MEGF9: variants seen among roughly 807,000 people sequenced by gnomAD.
MEGF9 encodes multiple EGF like domains 9.
MEGF9 carries 6 observed loss-of-function variants against 46.8 expected under a neutral mutation model. That is an observed-to-expected ratio of 0.13 (90% CI 0.07 to 0.25). The LOEUF (loss-of-function observed/expected upper bound fraction) is 0.25. MEGF9 is among the 10% of genes least tolerant of loss of function. MEGF9 has a pLI of 1.00. For missense variants in MEGF9, 683 were observed against 792.4 expected (o/e 0.86, Z 1.66); for synonymous variants, 302 against 330.7 (o/e 0.91, Z 0.94).
chr9:120,672,252 G>C (rs572931930), intron 1 of MEGF9, among the ~76,000 whole-genome samples: 20 of 151,936 alleles, frequency 1.3e-4, no homozygotes, highest in Non-Finnish European at 2.8e-4. Context: ...CTAGACAGTG[G>C]AATAAGGCAA....
rs1488301120 is a variant in MEGF9 at position 120,714,385 on chromosome 9, ATCT to A, written c.-30_-28del. ...CATTCAGCCAGTCGGTTGGTCAGTCATCTTCTCCTCGTTGCAATCCGACCAAGG... is the reference window on the plus strand; with the variant it reads ...CATTCAGCCAGTCGGTTGGTCAGTCATCTCCTCGTTGCAATCCGACCAAGG... On this transcript the variant is annotated 5_prime_UTR_variant, in exon 1 of 6. In the 5' UTR this introduces an upstream ATG that the reference lacks. Coordinates refer to ENST00000373930, the MANE Select transcript of MEGF9 (RefSeq NM_001080497.3). The A allele has an allele frequency of 7.8e-7, 1 of 1,284,556 alleles. No homozygotes were observed. The highest frequency in any genetic ancestry group is 9.8e-7 in the Non-Finnish European group (1 of 1,017,112). 79.6% of individuals were successfully genotyped at this position (1,284,556 alleles called of 1,614,324 possible).
At chr9:120,686,589 C>G (rs961330949) in intron 1 of MEGF9, among the ~76,000 whole-genome samples, 1 of 152,176 alleles carries the variant, frequency 6.6e-6, no homozygotes, top group Non-Finnish European at 1.5e-5. Context: ...CCTTACTTCC[C>G]TAACTAGAAG....
intron 1 of MEGF9, among the ~76,000 whole-genome samples, chr9:120,667,994 C>T (rs2043732838): frequency 6.6e-6 from 1 of 152,208 alleles, no homozygotes; most frequent in Admixed American, 6.5e-5. Context: ...CACTGCACTC[C>T]AGCCTGGGTG....
intron 4 of MEGF9, among the ~76,000 whole-genome samples, chr9:120,609,248 T>G (rs2043433872): frequency 6.6e-6 from 1 of 152,188 alleles, no homozygotes; most frequent in African/African-American, 2.4e-5. Context: ...CTGCCTGCTT[T>G]CTTCTGTCTG....
intron 2 of MEGF9, among the ~76,000 whole-genome samples, chr9:120,652,568 G>A (rs1055946144): frequency 6.9e-6 from 1 of 144,044 alleles, no homozygotes; most frequent in Non-Finnish European, 1.5e-5. Context: ...CTGAATCTAC[G>A]TGCCAGTCTA....
chr9:120,680,854 T>A (rs953001611), intron 1 of MEGF9, among the ~76,000 whole-genome samples: 1 of 152,142 alleles, frequency 6.6e-6, no homozygotes, highest in African/African-American at 2.4e-5. Flanking sequence ...GATGTTCATT[T>A]AAGGCCCAAG....
intron 1 of MEGF9, among the ~76,000 whole-genome samples, chr9:120,704,822 T>C (rs567986996): frequency 8.2e-4 from 125 of 152,232 alleles, no homozygotes; most frequent in Non-Finnish European, 1.6e-3. Flanking sequence ...TTAACTTTAA[T>C]TATATTTCTA....
At chr9:120,704,530 T>C (rs953573493) in intron 1 of MEGF9, among the ~76,000 whole-genome samples, 1 of 152,182 alleles carries the variant, frequency 6.6e-6, no homozygotes, top group Non-Finnish European at 1.5e-5. Context: ...ATCATATAAA[T>C]ATGGGCAGCT....
At chr9:120,708,593 A>G (rs7869084) in intron 1 of MEGF9, among the ~76,000 whole-genome samples, 2,871 of 152,328 alleles carry the variant, frequency 0.019, 105 homozygotes, top group African/African-American at 0.067. Flanking sequence ...GAGCTGAAAG[A>G]GACCCTTTAA....
intron 2 of MEGF9, among the ~76,000 whole-genome samples, chr9:120,644,254 C>T (rs1369117947): frequency 2.0e-5 from 3 of 152,122 alleles, no homozygotes; most frequent in Non-Finnish European, 4.4e-5. Context: ...TTTAAGGGAA[C>T]TTGACAAGTA....
intron 1 of MEGF9, among the ~76,000 whole-genome samples, chr9:120,686,463 T>C (rs1011154834): frequency 6.6e-6 from 1 of 152,246 alleles, no homozygotes. Context: ...AATGTGAATA[T>C]ACTTAACAAA....
rs1417472701 is a variant in MEGF9 at position 120,713,939 on chromosome 9, C to G, written c.420G>C (p.Pro140=). The change falls in exon 1 of 6, where the codon CCG becomes CCC. Residue 140 remains proline (P), a synonymous_variant. Coordinates refer to ENST00000373930, the MANE Select transcript of MEGF9 (RefSeq NM_001080497.3). ...AAAGGGTGGTCGGCGCGGGTCTGGT[C>G]GGCGCCTGAGAGGTGGTCGAAGTGC... The part of the protein sequence containing the change: ...AERTSTTSQA[P]TRPAPTTLST... 2 of 1,369,002 alleles carry G rather than the reference C, an allele frequency of 1.5e-6. No individual in the cohort carries two copies. The highest frequency in any genetic ancestry group is 1.9e-6 in the Non-Finnish European group (2 of 1,056,542). The allele number at this position is 1,369,002 out of a possible 1,614,324, so 84.8% of individuals were successfully genotyped here.
At chr9:120,626,905 T>C (rs2043527774) in intron 2 of MEGF9, among the ~76,000 whole-genome samples, 1 of 152,162 alleles carries the variant, frequency 6.6e-6, no homozygotes, top group African/African-American at 2.4e-5. Flanking sequence ...TACTCAGTAC[T>C]CAAAAATGAA....
At chr9:120,703,678 C>T (rs759248217) in intron 1 of MEGF9, among the ~76,000 whole-genome samples, 48 of 152,062 alleles carry the variant, frequency 3.2e-4, no homozygotes, top group Non-Finnish European at 6.8e-4. Flanking sequence ...AAGATAATTC[C>T]AAAGAGATTC....
chr9:120,686,583 A>G (rs751117862), intron 1 of MEGF9, among the ~76,000 whole-genome samples: 1 of 152,232 alleles, frequency 6.6e-6, no homozygotes, highest in Admixed American at 6.5e-5. Flanking sequence ...GGCATTCCTT[A>G]CTTCCCTAAC....
At chr9:120,609,652 A>G (rs2043436090) in intron 4 of MEGF9, among the ~76,000 whole-genome samples, 1 of 152,148 alleles carries the variant, frequency 6.6e-6, no homozygotes, top group South Asian at 2.1e-4. Context: ...TAGGATTTCA[A>G]TTCTGGATTC....
chr9:120,667,715 G>A (rs186354194), intron 1 of MEGF9, among the ~76,000 whole-genome samples: 5 of 152,162 alleles, frequency 3.3e-5, no homozygotes, highest in African/African-American at 1.2e-4. Flanking sequence ...CATGTACATC[G>A]AATGAGTCTT....
chr9:120,615,289 A>ATGTG (rs953496588), intron 3 of MEGF9, among the ~76,000 whole-genome samples: 1 of 137,272 alleles, frequency 7.3e-6, no homozygotes, highest in African/African-American at 3.2e-5. Flanking sequence ...GTGTGTGTGC[A>ATGTG]TGTGTGTGTA....
At chr9:120,633,220 G>C (rs1331276897) in intron 2 of MEGF9, among the ~76,000 whole-genome samples, 1 of 152,054 alleles carries the variant, frequency 6.6e-6, no homozygotes, top group African/African-American at 2.4e-5. Context: ...GCAACCAGTG[G>C]GCTTTTCTTT....
Sources: allele counts gnomAD v4.1 joint callset (sites outside exome capture counted in the v4.1 genomes callset), GRCh38; gene constraint gnomAD v4.1.1; transcripts MANE v1.5; gene names NCBI Gene and HGNC (gene_info 2026-07-23, HGNC 2026-07-21).